Variants in ZNF260 observed in about 807,000 individuals in gnomAD.
ZNF260 encodes zfp-260.
In ZNF260, 21 loss-of-function variants were observed where a neutral mutation model predicts 29.3. The observed-to-expected ratio is 0.72, with a 90% CI of 0.51 to 1.03. The LOEUF is 1.03. Ranked by LOEUF, ZNF260 falls within the 50% of genes least tolerant of loss-of-function variation. The pLI is 0.00. For synonymous variants in ZNF260, 156 were observed against 156.8 expected, an observed-to-expected ratio of 0.99 and a Z score of 0.04; for missense variants, 465 against 487.8, an observed-to-expected ratio of 0.95 and a Z score of 0.44.
chr19:36,526,580 T>A (rs1414640637), intron 1 of ZNF260, among the ~76,000 whole-genome samples: 1 of 152,094 alleles, frequency 6.6e-6, no homozygotes, highest in Non-Finnish European at 1.5e-5. Context: ...TATTTACATA[T>A]AACCTATGCA....
At chr19:36,522,223 G>A (rs1282378494) in intron 2 of ZNF260, among the ~76,000 whole-genome samples, 1 of 152,046 alleles carries the variant, frequency 6.6e-6, no homozygotes, top group African/African-American at 2.4e-5. Context: ...GGGAGGCCGA[G>A]GTGAGTGGAT....
chr19:36,524,295 C>G (rs1344385862), intron 2 of ZNF260, among the ~76,000 whole-genome samples: 4 of 151,998 alleles, frequency 2.6e-5, no homozygotes, highest in Admixed American at 2.6e-4. Flanking sequence ...CCCACCTCAG[C>G]CTCCTGAGTA....
chr19:36,522,674 G>A (rs2034666139), intron 2 of ZNF260, among the ~76,000 whole-genome samples: 1 of 152,138 alleles, frequency 6.6e-6, no homozygotes, highest in African/African-American at 2.4e-5. Context: ...CTGAACTCCT[G>A]TCCTAGAGTA....
intron 2 of ZNF260, among the ~76,000 whole-genome samples, chr19:36,516,589 A>AT (rs1477408757): frequency 3.3e-5 from 5 of 151,976 alleles, no homozygotes; most frequent in South Asian, 2.1e-4. Context: ...CTTTTATTTT[A>AT]TTTTTTTGGG....
intron 2 of ZNF260, among the ~76,000 whole-genome samples, chr19:36,522,998 C>CCTCT (rs1377289130): frequency 1.3e-5 from 2 of 152,056 alleles, no homozygotes; most frequent in Non-Finnish European, 2.9e-5. Flanking sequence ...CCAGCCTGGA[C>CCTCT]CTCTCTCCTC....
chr19:36,514,633 G>C lies in ZNF260; in HGVS notation c.606C>G (p.Ser202Arg), dbSNP rs1421412054. 1 of 1,613,780 alleles carries C rather than the reference G, an allele frequency of 6.2e-7. No individual in the cohort carries two copies. The highest frequency in any genetic ancestry group is 8.5e-7 in the Non-Finnish European group (1 of 1,179,952). ...GATGTATAATGAGGTTTTCCTTCTG[G>C]CTAAAAGCTTTTCCACACTCACTAC... is the stretch of plus-strand genomic sequence containing the variant. ...FKCSECGKAFSQKENLIIHQR... is the reference protein window; with the variant it reads ...FKCSECGKAFRQKENLIIHQR... The change falls in exon 3 of 3, where the codon AGC becomes AGG. Residue 202 changes from serine to arginine, a missense_variant. By Grantham distance (110) the Ser-to-Arg change is moderately radical. Transcript: ENST00000523638.
Position 36,513,818 on chromosome 19 carries a change from T to C in ZNF260, c.*182A>G. Reference sequence around the variant, plus strand: ...TTGATAATGCTTGTTGTGGGAGTTTTGGGGGTACGGGTTTTCTTTACACTA... The same window carrying C: ...TTGATAATGCTTGTTGTGGGAGTTTCGGGGGTACGGGTTTTCTTTACACTA... On this transcript the variant is annotated 3_prime_UTR_variant, in exon 3 of 3. Coordinates refer to ENST00000523638, the MANE Select transcript of ZNF260 (RefSeq NM_001166037.2). 4.7e-6 allele frequency: 3 copies of C among 640,904 alleles called. No individual in the cohort carries two copies. Among genetic ancestry groups the C allele is most frequent in the Non-Finnish European group, 7.9e-6 (3 of 378,712 alleles). The allele number at this position is 640,904 out of a possible 1,614,324, so 39.7% of individuals were successfully genotyped here. A position where few individuals can be genotyped will look rare whatever the true frequency, so the allele number is the denominator to read the frequency against.
At chr19:36,517,762 T>C (rs761253863) in intron 2 of ZNF260, among the ~76,000 whole-genome samples, 1 of 152,146 alleles carries the variant, frequency 6.6e-6, no homozygotes, top group Admixed American at 6.5e-5. Flanking sequence ...GAGGCTCTTC[T>C]ACTGTTAGAG....
intron 2 of ZNF260, among the ~76,000 whole-genome samples, chr19:36,524,672 G>T (rs894107080): frequency 6.6e-6 from 1 of 151,958 alleles, no homozygotes; most frequent in African/African-American, 2.4e-5. Flanking sequence ...GCCTTCCGCA[G>T]TGTTTGTGTC....
chr19:36,518,396 T>C (rs1005892694), intron 2 of ZNF260, among the ~76,000 whole-genome samples: 1 of 152,170 alleles, frequency 6.6e-6, no homozygotes, highest in Non-Finnish European at 1.5e-5. Flanking sequence ...ATTAATATCA[T>C]GGAAAGTTAG....
intron 2 of ZNF260, among the ~76,000 whole-genome samples, chr19:36,520,679 C>G (rs532667623): frequency 6.6e-6 from 1 of 151,784 alleles, no homozygotes; most frequent in Non-Finnish European, 1.5e-5. Context: ...GGTGAAACCC[C>G]GTCTGTACTA....
chr19:36,521,964 G>C (rs1373347880), intron 2 of ZNF260, among the ~76,000 whole-genome samples: 1 of 151,834 alleles, frequency 6.6e-6, no homozygotes, highest in South Asian at 2.1e-4. Context: ...CAGCAGAATC[G>C]CTTGAACCTG....
rs1276674645 is a variant in ZNF260 at position 36,513,540 on chromosome 19, A to G, written c.*460T>C. ...CAATTCCCCATATATTCATGCACAC[A>G]TTTCTGAATTCAATATTCTGTCTCA... On this transcript the variant is annotated 3_prime_UTR_variant, in exon 3 of 3. Transcript: ENST00000523638. The G allele has an allele frequency of 2.5e-6, 1 of 394,952 alleles. No individual in the cohort carries two copies. Among genetic ancestry groups the G allele is most frequent in the Non-Finnish European group, 4.5e-6 (1 of 223,586 alleles). The allele number at this position is 394,952 out of a possible 1,614,324, so 24.5% of individuals were successfully genotyped here.
intron 2 of ZNF260, among the ~76,000 whole-genome samples, chr19:36,524,876 G>A (rs1466665859): frequency 6.6e-6 from 1 of 152,080 alleles, no homozygotes; most frequent in Non-Finnish European, 1.5e-5. Context: ...AATTGAGGCT[G>A]CAAATGATGT....
chr19:36,526,003 C>G (rs2034727278), intron 1 of ZNF260, among the ~76,000 whole-genome samples: 1 of 152,016 alleles, frequency 6.6e-6, no homozygotes, highest in Non-Finnish European at 1.5e-5. Flanking sequence ...CCCCATAACA[C>G]TTTTCTCATA....
chr19:36,519,171 T>C (rs1050102231), intron 2 of ZNF260, among the ~76,000 whole-genome samples: 1 of 152,220 alleles, frequency 6.6e-6, no homozygotes, highest in African/African-American at 2.4e-5. Flanking sequence ...AACTTAGACT[T>C]CTAGGTTTTA....
At position 36,514,727 on chromosome 19, in the gene ZNF260, C is replaced by A; in HGVS notation, c.512G>T (p.Arg171Ile). 6.2e-7 allele frequency: 1 copy of A among 1,613,390 alleles called. No homozygotes were observed. The highest frequency in any genetic ancestry group is 1.7e-5 in the Admixed American group (1 of 59,978). The stretch of plus-strand genomic sequence containing the variant: ...GAGGTATTGCTTCTGGCTGAAGGCT[C>A]TTCCACACTGATTACATTCAAATGG... ...EKPFECNQCG[R>I]AFSQKQYLIK... is the part of the protein sequence containing the mutation. Residue 171 changes from arginine (R) to isoleucine (I), a missense_variant, in exon 3 of 3, where the codon AGA (arginine) becomes ATA (isoleucine). Transcript: ENST00000523638.
chr19:36,521,787 C>T (rs1405918332), intron 2 of ZNF260, among the ~76,000 whole-genome samples: 2 of 151,560 alleles, frequency 1.3e-5, no homozygotes, highest in Admixed American at 6.6e-5. Flanking sequence ...CGGTGGCTCA[C>T]GCCTGTAATC....
intron 1 of ZNF260, among the ~76,000 whole-genome samples, chr19:36,527,378 T>G (rs17707033): frequency 0.27 from 41,837 of 152,168 alleles, 6,277 homozygotes; most frequent in Non-Finnish European, 0.35. Context: ...GACAAGATAC[T>G]TGAATATGTT....
Sources: allele counts gnomAD v4.1 joint callset (sites outside exome capture counted in the v4.1 genomes callset), GRCh38; gene constraint gnomAD v4.1.1; transcripts MANE v1.5; gene names NCBI Gene and HGNC (gene_info 2026-07-23, HGNC 2026-07-21).